PIEZO2: variants seen among roughly 807,000 people sequenced by gnomAD.
PIEZO2 encodes the protein piezo-type mechanosensitive ion channel component 2.
In PIEZO2, 172 loss-of-function variants were observed where a neutral mutation model predicts 337.3. That is an observed-to-expected ratio of 0.51 (90% CI 0.45 to 0.58). The LOEUF (loss-of-function observed/expected upper bound fraction) is 0.58, where lower values mean the gene tolerates loss of function less well. PIEZO2 is among the 20% of genes least tolerant of loss of function. PIEZO2 has a pLI of 0.00. For missense variants in PIEZO2, 3,028 were observed against 3,391.3 expected (o/e 0.89, Z 2.66); for synonymous variants, 1,251 against 1,228.5 (o/e 1.02, Z -0.38).
rs181638027 is a variant in PIEZO2, at chr18:10,994,569, C to T, written c.161-14909G>A. ...GGCTTACAGGTGCATGCCACCATGCCTAATTTTTTTTTGTATTTTTAGTAG... is the reference window on the plus strand; with the variant it reads ...GGCTTACAGGTGCATGCCACCATGCTTAATTTTTTTTTGTATTTTTAGTAG... On this transcript the variant is annotated intron_variant, in intron 2 of 55. Transcript: ENST00000674853. Among the ~76,000 whole-genome samples the T allele has an allele frequency of 1.2e-3, 175 of 151,444 alleles. 1 individual carries two copies. The highest frequency in any genetic ancestry group is 2.1e-3 in the Non-Finnish European group (140 of 67,804).
intron 2 of PIEZO2, among the ~76,000 whole-genome samples, chr18:11,020,119 C>A (rs28482223): frequency 0.03 from 4,503 of 152,008 alleles, 216 homozygotes; most frequent in African/African-American, 0.1. Context: ...ATCTGGGGAG[C>A]GATTTTTAAA....
chr18:11,022,993 G>A (rs541231150), intron 2 of PIEZO2, among the ~76,000 whole-genome samples: 3 of 152,032 alleles, frequency 2.0e-5, no homozygotes, highest in African/African-American at 7.2e-5. Flanking sequence ...CTTAAGGCGG[G>A]GAGTCTGGAG....
chr18:10,698,780 G>T, intron 44 of PIEZO2, 145 bp downstream of exon 44: 1 of 1,122,506 alleles, frequency 8.9e-7, no homozygotes, highest in South Asian at 1.6e-5. Flanking sequence ...GGGTTTCTCT[G>T]ATTTCAAAGC....
rs181541529 is a variant in PIEZO2, at chr18:10,843,616, T to C, written c.917+11737A>G. ...GCCTAATCTTTATCCACTTCGTATT[T>C]TGAAAGACTAAATGTAGAAAGGGTA... is the stretch of plus-strand genomic sequence containing the variant. On this transcript the variant is annotated intron_variant, in intron 7 of 55. Coordinates refer to ENST00000674853, the MANE Select transcript of PIEZO2 (RefSeq NM_001378183.1). Among the ~76,000 whole-genome samples the C allele has an allele frequency of 2.0e-5, 3 of 152,324 alleles. No individual in the cohort carries two copies. In the East Asian group the frequency reaches 5.8e-4, roughly 29 times the overall value.
Position 10,834,938 on chromosome 18 carries a change from C to T in PIEZO2, c.917+20415G>A, listed in dbSNP as rs1035742108. ...AAATTCTTAGGTTGAAGCCAAACTCCCCATGTGAAGGTATTAAGAAGTCGG... is the reference window on the plus strand; with the variant it reads ...AAATTCTTAGGTTGAAGCCAAACTCTCCATGTGAAGGTATTAAGAAGTCGG... On this transcript the variant is annotated intron_variant, in intron 7 of 55. Transcript: ENST00000674853. This position sits in a 1 kb window ranked among gnomAD's most constrained non-coding sequence, Gnocchi z 4.5. 1.8e-4 allele frequency among the ~76,000 whole-genome samples: 27 copies of T among 152,272 alleles called. 1 individual carries two copies. The highest frequency in any genetic ancestry group is 6.5e-4 in the African/African-American group (27 of 41,550).
chr18:10,827,368 A>G (rs1386084119), intron 7 of PIEZO2, among the ~76,000 whole-genome samples: 1 of 152,194 alleles, frequency 6.6e-6, no homozygotes, highest in Non-Finnish European at 1.5e-5. Context: ...TATAGTAACT[A>G]CAAAGACTTT....
Position 10,773,617 on chromosome 18 carries a change from C to T in PIEZO2, c.2580G>A (p.Pro860=), listed in dbSNP as rs781706412. ...TGGTGAGGTCCGGGAGGCTTCCTTC[C>T]GGGTGGGCCAGTCTGTTGGCAGAGA... ...LPIHQNELAH[P]EGSLPDLTMM... The change falls in exon 20 of 56, where the codon CCG becomes CCA. Residue 860 remains proline, a synonymous_variant. Transcript: ENST00000674853. This position sits in a 1 kb window ranked among gnomAD's most constrained non-coding sequence, Gnocchi z 5.3. 165 of 1,537,082 alleles carry T rather than the reference C, an allele frequency of 1.1e-4. 1 individual carries two copies. The highest frequency in any genetic ancestry group is 3.3e-4 in the Middle Eastern group (2 of 6,006).
chr18:10,825,854 A>G (rs2040660634), intron 7 of PIEZO2, among the ~76,000 whole-genome samples: 1 of 152,038 alleles, frequency 6.6e-6, no homozygotes, highest in Non-Finnish European at 1.5e-5. Flanking sequence ...CCTGGCCTCC[A>G]CTTTCCATAC....
At chr18:10,803,157 A>C (rs1268680219) in intron 9 of PIEZO2, among the ~76,000 whole-genome samples, 1 of 152,102 alleles carries the variant, frequency 6.6e-6, no homozygotes, top group Non-Finnish European at 1.5e-5. Context: ...ATGCACCCCG[A>C]CTGGATCATT....
chr18:10,769,960 C>T (rs1282379590), intron 21 of PIEZO2, 188 bp downstream of exon 21: 11 of 555,582 alleles, frequency 2.0e-5, no homozygotes, highest in Admixed American at 1.5e-4. Context: ...AACTCAGCCA[C>T]GAGCCTCTTT....
Position 10,671,408 on chromosome 18 carries a change from C to T in PIEZO2, c.*119G>A. 1 of 1,103,364 alleles carries T rather than the reference C, an allele frequency of 9.1e-7. No homozygotes were observed. The highest frequency in any genetic ancestry group is 1.2e-6 in the Non-Finnish European group (1 of 800,260). 68.3% of individuals were successfully genotyped at this position (1,103,364 alleles called of 1,614,324 possible). On this transcript the variant is annotated 3_prime_UTR_variant, in exon 56 of 56. Transcript: ENST00000674853. ...AAGGATATCAGCTCCTTTTGTCTAC[C>T]TATCAGAAGAGAAACAAACCATTTC...
chr18:10,959,819 C>T (rs566328951), intron 3 of PIEZO2, among the ~76,000 whole-genome samples: 8 of 152,150 alleles, frequency 5.3e-5, no homozygotes, highest in African/African-American at 1.2e-4. Flanking sequence ...AAATAAATTA[C>T]GTAAACTTCA....
At position 11,109,487 on chromosome 18, in the gene PIEZO2, G is replaced by A. The variant is rs1380334401; in HGVS notation, c.64+39038C>T. Among the ~76,000 whole-genome samples the A allele has an allele frequency of 6.6e-6, 1 of 152,154 alleles. No homozygotes were observed. The highest frequency in any genetic ancestry group is 2.4e-5 in the African/African-American group (1 of 41,426). On this transcript the variant is annotated intron_variant, in intron 1 of 55. Coordinates refer to ENST00000674853, the MANE Select transcript of PIEZO2 (RefSeq NM_001378183.1). This position sits in a 1 kb window ranked among gnomAD's most constrained non-coding sequence, Gnocchi z 5.1. ...TCCCAGCACTTTGGGAGGCCGAGGT[G>A]GGTGGATCACTTGAGGTCAGGGGTT...
rs886233803 is a variant in PIEZO2 at position 11,146,779 on chromosome 18, A to G, written c.64+1746T>C. Among the ~76,000 whole-genome samples the G allele has an allele frequency of 1.3e-5, 2 of 152,164 alleles. No homozygotes were observed. The highest frequency in any genetic ancestry group is 2.4e-5 in the African/African-American group (1 of 41,450). On this transcript the variant is annotated intron_variant, in intron 1 of 55. Transcript: ENST00000674853. This position sits in a 1 kb window ranked among gnomAD's most constrained non-coding sequence, Gnocchi z 6.1. Reference sequence around the variant, plus strand: ...GCTGGCTGCAGGGAACCACATGCCTAACTCTTCCAACAGTCACAGTGAGCT... The same window carrying G: ...GCTGGCTGCAGGGAACCACATGCCTGACTCTTCCAACAGTCACAGTGAGCT...
At chr18:11,026,479 GTC>G (rs1555696279) in intron 2 of PIEZO2, among the ~76,000 whole-genome samples, 2 of 152,000 alleles carry the variant, frequency 1.3e-5, no homozygotes, top group Non-Finnish European at 1.5e-5. Flanking sequence ...TCTCATCCAC[GTC>G]TCCACCACCT....
chr18:11,134,953 A>T (rs969707348), intron 1 of PIEZO2, among the ~76,000 whole-genome samples: 2 of 152,046 alleles, frequency 1.3e-5, no homozygotes, highest in Admixed American at 1.3e-4. Flanking sequence ...GACACCATGG[A>T]TAAGCTCTGA....
intron 1 of PIEZO2, among the ~76,000 whole-genome samples, chr18:11,120,346 T>G (rs984412595): frequency 2.0e-5 from 3 of 152,252 alleles, no homozygotes; most frequent in Non-Finnish European, 2.9e-5. Context: ...TATGGTTTGT[T>G]GATTTGCATT....
intron 1 of PIEZO2, among the ~76,000 whole-genome samples, chr18:11,085,469 G>T (rs11080487): frequency 2.6e-5 from 4 of 151,738 alleles, no homozygotes; most frequent in African/African-American, 9.7e-5. Flanking sequence ...CCCCTGTAAC[G>T]TATCAGGCAA....
intron 2 of PIEZO2, among the ~76,000 whole-genome samples, chr18:11,018,562 G>A (rs146152253): frequency 6.3e-4 from 96 of 152,210 alleles, no homozygotes; most frequent in Non-Finnish European, 1.0e-3. Context: ...GAATCCCGCT[G>A]AAGAATCGCC....
Sources: gnomAD v4.1 joint callset for allele counts (sites outside exome capture counted in the v4.1 genomes callset) on GRCh38, gnomAD v4.1.1 for gene constraint, Gnocchi (gnomAD v3.1) non-coding constraint, MANE v1.5 for transcripts, NCBI Gene and HGNC (gene_info 2026-07-23, HGNC 2026-07-21) for gene names.